SKP2: variants seen among roughly 807,000 people sequenced by gnomAD.
SKP2 encodes S-phase kinase-associated protein 2.
In SKP2, 16 loss-of-function variants were observed where a neutral mutation model predicts 51.8. The observed-to-expected ratio is 0.31, with a 90% CI of 0.21 to 0.47. The LOEUF (loss-of-function observed/expected upper bound fraction) is 0.47, where lower values mean the gene tolerates loss of function less well. SKP2 is among the 20% of genes least tolerant of loss of function. The pLI is 1.00. For missense variants in SKP2, 377 were observed against 505.3 expected (o/e 0.75, Z 2.43); for synonymous variants, 176 against 198.6 (o/e 0.89, Z 0.96).
At chr5:36,166,360 T>C (rs1194872560) in intron 3 of SKP2, among the ~76,000 whole-genome samples, 159 bp from the exon 4 acceptor site, 3 of 152,234 alleles carry the variant, frequency 2.0e-5, no homozygotes, top group African/African-American at 7.2e-5. Context: ...GCCTTAAAAA[T>C]ATCATAGCTA....
chr5:36,185,475 A>T (rs1401804880), downstream of SKP2, among the ~76,000 whole-genome samples: 1 of 152,224 alleles, frequency 6.6e-6, no homozygotes. Flanking sequence ...ACATATGGCT[A>T]GCCAGTTTTC....
At chr5:36,161,292 T>TAA (rs5867306) in intron 2 of SKP2, among the ~76,000 whole-genome samples, 15,836 of 140,774 alleles carry the variant, frequency 0.11, 1,050 homozygotes, top group African/African-American at 0.18. Flanking sequence ...CAAAAATTGT[T>TAA]AAAAAAAAAA....
chr5:36,178,128 T>A (rs766966634), intron 9 of SKP2, among the ~76,000 whole-genome samples: 1 of 152,134 alleles, frequency 6.6e-6, no homozygotes, highest in Admixed American at 6.6e-5. Context: ...TAATGGCAAA[T>A]GTACATGTGT....
At chr5:36,177,622 A>G (rs1171124134) in intron 9 of SKP2, among the ~76,000 whole-genome samples, 2 of 151,636 alleles carry the variant, frequency 1.3e-5, no homozygotes, top group African/African-American at 4.8e-5. Flanking sequence ...GGCAGACCCA[A>G]TGTGGGTTAG....
intron 2 of SKP2, among the ~76,000 whole-genome samples, chr5:36,163,020 C>T (rs1049777965): frequency 1.8e-4 from 27 of 152,154 alleles, no homozygotes; most frequent in African/African-American, 6.5e-4. Flanking sequence ...AGGTAACCGT[C>T]CCCATGATTT....
chr5:36,160,921 T>A (rs1443038399), intron 2 of SKP2, among the ~76,000 whole-genome samples: 1 of 152,084 alleles, frequency 6.6e-6, no homozygotes, highest in Non-Finnish European at 1.5e-5. Context: ...AGGGCCTCAG[T>A]CAGTCCTTTA....
At position 36,152,835 on chromosome 5, in the gene SKP2, G is replaced by A. The variant is rs764175262; in HGVS notation, c.73G>A (p.Asp25Asn). The A allele has an allele frequency of 1.9e-6, 3 of 1,614,098 alleles. No homozygotes were observed. Among genetic ancestry groups the A allele is most frequent in the East Asian group, 2.2e-5 (1 of 44,856 alleles). The change falls in exon 2 of 10, where the codon GAT becomes AAT. Residue 25 changes from aspartate (D) to asparagine (N), a missense_variant. By Grantham distance (23) the Asp-to-Asn change is conservative. Transcript: ENST00000274255. ...NVATSFTWGW[D>N]SSKTSELLSG... is the part of the protein sequence containing the mutation. ...TGCCACCAGCTTCACGTGGGGATGG[G>A]ATTCCAGCAAGACTTCTGAACTGCT...
intron 6 of SKP2, among the ~76,000 whole-genome samples, chr5:36,190,683 CAAAAAAAA>C (rs70973094): frequency 4.9e-5 from 4 of 81,188 alleles, no homozygotes; most frequent in South Asian, 5.0e-4. Flanking sequence ...CAAACATATG[CAAAAAAAA>C]AAAAAAAAAA....
chr5:36,177,459 A>G (rs1333438382), intron 9 of SKP2, 167 bp downstream of exon 9: 1 of 706,792 alleles, frequency 1.4e-6, no homozygotes, highest in Non-Finnish European at 2.6e-6. Context: ...TAAACTGGTG[A>G]AATTGAGTTG....
At chr5:36,175,506 C>T (rs986548349) in intron 7 of SKP2, among the ~76,000 whole-genome samples, 8 of 152,098 alleles carry the variant, frequency 5.3e-5, no homozygotes, top group African/African-American at 1.7e-4. Context: ...GATTCATTTT[C>T]TGATTGCCAA....
chr5:36,183,056 C>T lies in SKP2; in HGVS notation c.*1025C>T. 1.0e-6 allele frequency: 1 copy of T among 972,282 alleles called. No individual in the cohort carries two copies. Among genetic ancestry groups the T allele is most frequent in the Non-Finnish European group, 1.2e-6 (1 of 818,168 alleles). 60.2% of individuals were successfully genotyped at this position (972,282 alleles called of 1,614,324 possible). On this transcript the variant is annotated 3_prime_UTR_variant, in exon 10 of 10. Transcript: ENST00000274255. ...TGAAACTATCCATATATAAGGTTAT[C>T]AGACCTACAGTTCCCTAAGAGGAAC...
chr5:36,162,999 C>T (rs1001522314), intron 2 of SKP2, among the ~76,000 whole-genome samples: 15 of 152,116 alleles, frequency 9.9e-5, no homozygotes, highest in African/African-American at 1.7e-4. Context: ...ATTACAGGGG[C>T]GGTTATCACC....
rs1745197393 is a variant in SKP2, at chr5:36,163,713, C to A, written c.349C>A (p.Leu117Met). ...CTTTTCCTGTCTGTGCCTCCCTGAG[C>A]TGCTAAAGGTCTCTGGTGTTTGTAA... ...GIFSCLCLPE[L>M]LKVSGVCKRW... Residue 117 changes from leucine to methionine, a missense_variant, in exon 3 of 10, where the codon CTG becomes ATG. Transcript: ENST00000274255. 6.2e-7 allele frequency: 1 copy of A among 1,613,820 alleles called. No individual in the cohort carries two copies. The highest frequency in any genetic ancestry group is 8.5e-7 in the Non-Finnish European group (1 of 1,179,870).
At chr5:36,189,643 TC>T (rs1448271031) in intron 6 of SKP2, among the ~76,000 whole-genome samples, 2 of 152,208 alleles carry the variant, frequency 1.3e-5, no homozygotes, top group Admixed American at 1.3e-4. Flanking sequence ...GGGATGTGCC[TC>T]CCAGTTAGGC....
In SKP2 at chr5:36,183,330, G is replaced by T; in HGVS notation, c.*1299G>T. On this transcript the variant is annotated 3_prime_UTR_variant, in exon 10 of 10. Coordinates refer to ENST00000274255, the MANE Select transcript of SKP2 (RefSeq NM_005983.4). The stretch of plus-strand genomic sequence containing the variant: ...CACCAAGGCCGGAGTGCAGTGGTGC[G>T]ATCTCGGCTCACTGCAAGCTCCGCC... 8.0e-6 allele frequency: 3 copies of T among 376,918 alleles called. No homozygotes were observed. Among genetic ancestry groups the T allele is most frequent in the Non-Finnish European group, 1.1e-5 (3 of 275,742 alleles). 23.3% of individuals were successfully genotyped at this position (376,918 alleles called of 1,614,324 possible).
chr5:36,164,682 G>C (rs1418523005), intron 3 of SKP2, among the ~76,000 whole-genome samples: 1 of 152,184 alleles, frequency 6.6e-6, no homozygotes. Context: ...CTGGAATGCT[G>C]GTGCAAGTGG....
intron 7 of SKP2, among the ~76,000 whole-genome samples, chr5:36,175,983 A>G (rs1019869612): frequency 6.6e-6 from 1 of 152,066 alleles, no homozygotes. Flanking sequence ...TATCCAAAAA[A>G]AGCAGGAATC....
chr5:36,156,284 T>C (rs1744943927), intron 2 of SKP2, among the ~76,000 whole-genome samples: 2 of 152,182 alleles, frequency 1.3e-5, no homozygotes, highest in Admixed American at 1.3e-4. Flanking sequence ...AGCCGGATTG[T>C]CATTCCAAGG....
At position 36,166,495 on chromosome 5, in the gene SKP2, A is replaced by G. The variant is rs369126207; in HGVS notation, c.393-24A>G. Reference sequence around the variant, plus strand: ...AGCATTTAGTGTGACCGACTGGCCAAATTAAGTATCTCCTCTTTTATAGGT... The same window carrying G: ...AGCATTTAGTGTGACCGACTGGCCAGATTAAGTATCTCCTCTTTTATAGGT... On this transcript the variant is annotated intron_variant, in intron 3 of 9. Transcript: ENST00000274255. 1.9e-5 allele frequency: 30 copies of G among 1,612,538 alleles called. No individual in the cohort carries two copies. The African/African-American group carries it at 3.7e-4, about 20-fold the overall frequency.
Sources: allele counts gnomAD v4.1 joint callset (sites outside exome capture counted in the v4.1 genomes callset), GRCh38; gene constraint gnomAD v4.1.1; transcripts MANE v1.5; gene names NCBI Gene and HGNC (gene_info 2026-07-23, HGNC 2026-07-21).